Variants in KCNQ5 observed in about 807,000 individuals in gnomAD.
The protein encoded by KCNQ5 is potassium voltage-gated channel subfamily KQT member 5.
In KCNQ5, 30 loss-of-function variants were observed where a neutral mutation model predicts 98.2. The ratio of observed to expected loss-of-function variants is 0.31; its 90% CI spans 0.23 to 0.41. The LOEUF is 0.41. Among genes scored for constraint, KCNQ5 ranks in the 10% least tolerant of loss-of-function variants. The pLI is 1.00. For missense variants in KCNQ5, 835 were observed against 1,182.5 expected, an observed-to-expected ratio of 0.71 and a Z score of 4.31; for synonymous variants, 458 against 449.4, an observed-to-expected ratio of 1.02 and a Z score of -0.24.
chr6:72,747,323 C>A (rs1001382588), intron 1 of KCNQ5, among the ~76,000 whole-genome samples: 1 of 152,084 alleles, frequency 6.6e-6, no homozygotes, highest in African/African-American at 2.4e-5. Flanking sequence ...ATAAAGAATT[C>A]TTTTAATATT....
chr6:72,746,858 A>G (rs1248257225), intron 1 of KCNQ5, among the ~76,000 whole-genome samples: 2 of 152,188 alleles, frequency 1.3e-5, no homozygotes, highest in Non-Finnish European at 2.9e-5. Context: ...TGTATACCAT[A>G]CATTATAGAT....
chr6:72,784,856 C>T (rs1313504215), intron 1 of KCNQ5, among the ~76,000 whole-genome samples: 2 of 152,272 alleles, frequency 1.3e-5, no homozygotes, highest in South Asian at 2.1e-4. Flanking sequence ...TTCTAGCCTC[C>T]GTGGTAGAGA....
Position 73,188,982 on chromosome 6 carries a change from C to CAAA in KCNQ5, c.1578-1570_1578-1568dup, listed in dbSNP as rs67431655. Among the ~76,000 whole-genome samples, 93 of 82,336 alleles carry CAAA rather than the reference C, an allele frequency of 1.1e-3. 1 individual carries two copies. The highest frequency in any genetic ancestry group is 4.1e-3 in the South Asian group (9 of 2,222). 54.0% of individuals were successfully genotyped at this position (82,336 alleles called of 152,430 possible). A position where few individuals can be genotyped will look rare whatever the true frequency, so the allele number is the denominator to read the frequency against. On this transcript the variant is annotated intron_variant, in intron 11 of 13. Transcript: ENST00000370398. Reference sequence around the variant, plus strand: ...TGGGTGAAAGGGCGAGACTCTGTCTCAAAAAAAAAAAAAAAAAAAAAAAGA... The same window carrying CAAA: ...TGGGTGAAAGGGCGAGACTCTGTCTCAAAAAAAAAAAAAAAAAAAAAAAAAAGA...
At chr6:72,955,199 A>G (rs749845417) in intron 1 of KCNQ5, among the ~76,000 whole-genome samples, 30 of 152,186 alleles carry the variant, frequency 2.0e-4, no homozygotes, top group Non-Finnish European at 2.9e-4. Flanking sequence ...ATCACTCACA[A>G]CAGTTCCTAA....
At chr6:73,100,763 GAGA>G (rs1774741277) in intron 5 of KCNQ5, among the ~76,000 whole-genome samples, 1 of 151,542 alleles carries the variant, frequency 6.6e-6, no homozygotes, top group Non-Finnish European at 1.5e-5. Context: ...GAAAAAAGGA[GAGA>G]AGACCCAAAT....
chr6:72,665,106 G>C (rs531263533), intron 1 of KCNQ5, among the ~76,000 whole-genome samples: 1 of 152,196 alleles, frequency 6.6e-6, no homozygotes, highest in South Asian at 2.1e-4. Flanking sequence ...CCAGCACTTT[G>C]GGAGGCCACG....
chr6:73,152,216 T>C (rs543292319), intron 10 of KCNQ5, among the ~76,000 whole-genome samples: 5 of 152,200 alleles, frequency 3.3e-5, no homozygotes, highest in African/African-American at 9.6e-5. Context: ...GTTTTTTTTT[T>C]CTCCCTTCAT....
At chr6:72,838,000 C>A (rs566365745) in intron 1 of KCNQ5, among the ~76,000 whole-genome samples, 74 of 151,530 alleles carry the variant, frequency 4.9e-4, no homozygotes, top group African/African-American at 1.8e-3. Context: ...ATGTGCACAA[C>A]GTGCAGGTTT....
chr6:73,106,108 G>A (rs1307279362), intron 6 of KCNQ5, among the ~76,000 whole-genome samples: 2 of 152,002 alleles, frequency 1.3e-5, no homozygotes, highest in Non-Finnish European at 2.9e-5. Context: ...AAGTGCTTAA[G>A]GAAAATAGAT....
chr6:73,001,124 A>G (rs1752751350), intron 1 of KCNQ5, among the ~76,000 whole-genome samples: 1 of 152,148 alleles, frequency 6.6e-6, no homozygotes, highest in Non-Finnish European at 1.5e-5. Flanking sequence ...TTCAAAGACC[A>G]TCTCAAACAC....
At chr6:72,827,648 G>A (rs1428525154) in intron 1 of KCNQ5, among the ~76,000 whole-genome samples, 1 of 152,034 alleles carries the variant, frequency 6.6e-6, no homozygotes, top group Non-Finnish European at 1.5e-5. Context: ...TGAATGAGTA[G>A]CTTACAAATA....
chr6:72,711,482 G>A (rs1297563216), intron 1 of KCNQ5, among the ~76,000 whole-genome samples: 4 of 152,190 alleles, frequency 2.6e-5, no homozygotes, highest in South Asian at 2.1e-4. Flanking sequence ...AAAGAAAGCC[G>A]AAGCTAGAGA....
chr6:73,085,831 C>A (rs1339365450), intron 5 of KCNQ5, among the ~76,000 whole-genome samples: 1 of 152,174 alleles, frequency 6.6e-6, no homozygotes, highest in Non-Finnish European at 1.5e-5. Context: ...ACTCTGTGAG[C>A]ACTGGGCCGA....
At chr6:73,150,169 C>T (rs370137346) in intron 10 of KCNQ5, among the ~76,000 whole-genome samples, 15 of 152,008 alleles carry the variant, frequency 9.9e-5, no homozygotes, top group East Asian at 7.7e-4. Context: ...TATCACTACA[C>T]ACCTGCCAGA....
In KCNQ5 at chr6:73,194,793, G is replaced by T; in HGVS notation, c.2178G>T (p.Val726=). ...TTAGTCAAAGCGATGGCTCAGCAGT[G>T]GCAGCCACCAACACCATTGCAAACC... is the stretch of plus-strand genomic sequence containing the variant. ...VPISQSDGSA[V]AATNTIANQI... Residue 726 remains valine, a synonymous_variant, in exon 14 of 14, where the codon GTG becomes GTT. Coordinates refer to ENST00000370398, the MANE Select transcript of KCNQ5 (RefSeq NM_019842.4). The T allele has an allele frequency of 6.2e-7, 1 of 1,614,190 alleles. No homozygotes were observed. Among genetic ancestry groups the T allele is most frequent in the East Asian group, 2.2e-5 (1 of 44,880 alleles).
chr6:72,863,590 T>C (rs1777856757), intron 1 of KCNQ5, among the ~76,000 whole-genome samples: 1 of 152,124 alleles, frequency 6.6e-6, no homozygotes, highest in African/African-American at 2.4e-5. Flanking sequence ...TTCTGAAACA[T>C]AATAAAAACT....
chr6:72,724,771 C>T (rs1215358293), intron 1 of KCNQ5, among the ~76,000 whole-genome samples: 1 of 152,168 alleles, frequency 6.6e-6, no homozygotes, highest in Non-Finnish European at 1.5e-5. Context: ...GACTTGACGA[C>T]CTGTGGTTTT....
At chr6:73,181,222 A>G (rs1429385542) in intron 11 of KCNQ5, among the ~76,000 whole-genome samples, 1 of 152,192 alleles carries the variant, frequency 6.6e-6, no homozygotes, top group Non-Finnish European at 1.5e-5. Flanking sequence ...CTCTAGTGGT[A>G]CTGCTGGGGC....
At chr6:72,889,529 T>C (rs529116846) in intron 1 of KCNQ5, among the ~76,000 whole-genome samples, 30 of 152,236 alleles carry the variant, frequency 2.0e-4, no homozygotes, top group African/African-American at 7.2e-4. Flanking sequence ...ACCAAGGCCA[T>C]GGTAAGAGAA....
Sources: gnomAD v4.1 joint callset for allele counts (sites outside exome capture counted in the v4.1 genomes callset) on GRCh38, gnomAD v4.1.1 for gene constraint, MANE v1.5 for transcripts, NCBI Gene and HGNC (gene_info 2026-07-23, HGNC 2026-07-21) for gene names.